Variants in GALNT14 observed in about 807,000 individuals in gnomAD.
GALNT14 encodes the protein polypeptide N-acetylgalactosaminyltransferase 14.
In GALNT14, 60 loss-of-function variants were observed where a neutral mutation model predicts 77.5. That is an observed-to-expected ratio of 0.77 (90% CI 0.63 to 0.96). The LOEUF is 0.96. GALNT14 is among the 40% of genes least tolerant of loss of function. The pLI is 0.00. For missense variants in GALNT14, 710 were observed against 731.0 expected (o/e 0.97, Z 0.33); for synonymous variants, 280 against 281.7 (o/e 0.99, Z 0.06).
intron 2 of GALNT14, among the ~76,000 whole-genome samples, chr2:30,976,605 G>T (rs935688067): frequency 4.2e-5 from 6 of 141,570 alleles, no homozygotes; most frequent in African/African-American, 1.2e-4. Flanking sequence ...GTGTGCATGT[G>T]CGTGTGCGTG....
intron 1 of GALNT14, among the ~76,000 whole-genome samples, chr2:31,119,529 T>C (rs1364269422): frequency 6.6e-6 from 1 of 152,184 alleles, no homozygotes; most frequent in African/African-American, 2.4e-5. Flanking sequence ...ACTCTTTAGG[T>C]TGGCAAAACG....
intron 1 of GALNT14, among the ~76,000 whole-genome samples, chr2:31,014,276 A>C (rs1239256517): frequency 6.6e-6 from 1 of 152,212 alleles, no homozygotes; most frequent in African/African-American, 2.4e-5. Context: ...TCCTCCCCAA[A>C]AAAGGCAAGG....
At chr2:30,917,762 A>C (rs995232800) in intron 13 of GALNT14, among the ~76,000 whole-genome samples, 1 of 152,252 alleles carries the variant, frequency 6.6e-6, no homozygotes, top group African/African-American at 2.4e-5. Flanking sequence ...GCAATGCCAG[A>C]AGCAGACCCC....
chr2:31,009,588 T>C (rs1260363046), intron 1 of GALNT14, among the ~76,000 whole-genome samples: 1 of 152,078 alleles, frequency 6.6e-6, no homozygotes, highest in East Asian at 1.9e-4. Context: ...TCCAGAACAA[T>C]ATCAAAAAAA....
At chr2:30,908,985 C>A (rs1244665097), downstream of GALNT14, among the ~76,000 whole-genome samples, 1 of 151,780 alleles carries the variant, frequency 6.6e-6, no homozygotes, top group Non-Finnish European at 1.5e-5. Context: ...ATAAATGGTG[C>A]TGGGAAAACT....
At chr2:31,040,037 A>G (rs10210124) in intron 1 of GALNT14, among the ~76,000 whole-genome samples, 72,452 of 152,028 alleles carry the variant, frequency 0.48, 18,044 homozygotes, top group African/African-American at 0.63. Flanking sequence ...ACTATAACAA[A>G]TATAGTTAAT....
intron 1 of GALNT14, among the ~76,000 whole-genome samples, chr2:31,116,559 C>A (rs1223289942): frequency 6.6e-6 from 1 of 151,976 alleles, no homozygotes; most frequent in Non-Finnish European, 1.5e-5. Flanking sequence ...AACAAAATAG[C>A]ACTAAAATAT....
At chr2:31,112,829 A>G (rs1677911416) in intron 1 of GALNT14, among the ~76,000 whole-genome samples, 1 of 152,124 alleles carries the variant, frequency 6.6e-6, no homozygotes, top group African/African-American at 2.4e-5. Context: ...TTCTCATGTT[A>G]TGGAATCTTA....
At chr2:31,126,170 A>G (rs563863326) in intron 1 of GALNT14, among the ~76,000 whole-genome samples, 1 of 152,358 alleles carries the variant, frequency 6.6e-6, no homozygotes, top group East Asian at 1.9e-4. Context: ...TGAAAGAGAT[A>G]GCTTCTGATG....
intron 6 of GALNT14, 60 bp from the exon 7 acceptor site, chr2:30,945,930 G>A: frequency 7.0e-7 from 1 of 1,419,336 alleles, no homozygotes; most frequent in South Asian, 1.2e-5. Context: ...GAGTCAGGGA[G>A]CTTGGGATGG....
intron 1 of GALNT14, among the ~76,000 whole-genome samples, chr2:31,017,724 G>C (rs1250741295): frequency 6.6e-6 from 1 of 152,118 alleles, no homozygotes; most frequent in Non-Finnish European, 1.5e-5. Flanking sequence ...CACCTGGAGA[G>C]ATGCCAGCAC....
At chr2:30,924,897 T>C in intron 11 of GALNT14, 74 bp from the exon 12 acceptor site, 1 of 1,249,270 alleles carries the variant, frequency 8.0e-7, no homozygotes, top group Non-Finnish European at 1.2e-6. Context: ...GCAACGCCAG[T>C]CCAGACTGAG....
At chr2:31,108,993 G>A (rs2148622705) in intron 1 of GALNT14, among the ~76,000 whole-genome samples, 1 of 152,272 alleles carries the variant, frequency 6.6e-6, no homozygotes, top group East Asian at 1.9e-4. Flanking sequence ...CCACGGAGAG[G>A]GCAAGTAGAC....
intron 1 of GALNT14, among the ~76,000 whole-genome samples, chr2:31,071,712 GC>G: frequency 6.6e-6 from 1 of 152,136 alleles, no homozygotes; most frequent in East Asian, 1.9e-4. Context: ...CCTTCCTCTG[GC>G]CCCTGCCTGC....
intron 2 of GALNT14, among the ~76,000 whole-genome samples, chr2:30,970,319 G>A (rs918781785): frequency 6.6e-6 from 1 of 152,102 alleles, no homozygotes; most frequent in African/African-American, 2.4e-5. Flanking sequence ...TGGACATGTC[G>A]AGAACCAGCT....
chr2:31,049,406 G>T (rs529239160), intron 1 of GALNT14, among the ~76,000 whole-genome samples: 4 of 152,308 alleles, frequency 2.6e-5, no homozygotes, highest in Non-Finnish European at 4.4e-5. Flanking sequence ...CCCAGCCAGA[G>T]CTGAGCTGGC....
chr2:30,914,502 C>T (rs542133068), intron 13 of GALNT14, among the ~76,000 whole-genome samples: 21 of 152,256 alleles, frequency 1.4e-4, no homozygotes, highest in Admixed American at 1.1e-3. Flanking sequence ...AGGTTGTACC[C>T]CCTTGCCAAG....
At position 30,912,230 on chromosome 2, in the gene GALNT14, T is replaced by G. The variant is rs770052031; in HGVS notation, c.1493A>C (p.Asp498Ala). 2.5e-6 allele frequency: 4 copies of G among 1,613,918 alleles called. No homozygotes were observed. Among genetic ancestry groups the G allele is most frequent in the Non-Finnish European group, 3.4e-6 (4 of 1,179,966 alleles). Residue 498 changes from aspartate to alanine, a missense_variant, in exon 14 of 15, where the codon GAC becomes GCC. Physicochemically the swap from Asp to Ala is moderately radical, Grantham distance 126. Transcript: ENST00000349752. ...VVLVLCKNGD[D>A]RQQWTKTGSH... ...GACCTGCTGAGCACTTACCTGTCGG[T>G]CATCTCCATTCTTGCAAAGGACAAG... is the stretch of plus-strand genomic sequence containing the variant.
At chr2:30,945,456 G>C (rs373089913) in intron 7 of GALNT14, among the ~76,000 whole-genome samples, 1 of 152,220 alleles carries the variant, frequency 6.6e-6, no homozygotes, top group African/African-American at 2.4e-5. Context: ...GTCTCTAGGA[G>C]AGGGTGGTGC....
Sources: allele counts gnomAD v4.1 joint callset (sites outside exome capture counted in the v4.1 genomes callset), GRCh38; gene constraint gnomAD v4.1.1; transcripts MANE v1.5; gene names NCBI Gene and HGNC (gene_info 2026-07-23, HGNC 2026-07-21).